Variants in KCNQ1OT1 observed in about 807,000 individuals in gnomAD.
The protein encoded by KCNQ1OT1 is KCNQ1 opposite strand/antisense transcript 1.
chr11:2,609,977 C>G (rs1589979960), exon 1 of KCNQ1OT1: 5 of 397,742 alleles, frequency 1.3e-5, no homozygotes, highest in Middle Eastern at 6.2e-4. Context: ...TAATTCCTGC[C>G]TTTGATTAGA....
Position 2,679,792 on chromosome 11 carries a change from A to C in KCNQ1OT1, n.20203T>G, listed in dbSNP as rs920739733. Reference sequence around the variant, plus strand: ...ACACTAGGGCCTGTTAGGCCAGTTGAGGGCTAGAGGAGCACAAGGGGCCAG... The same window carrying C: ...ACACTAGGGCCTGTTAGGCCAGTTGCGGGCTAGAGGAGCACAAGGGGCCAG... On this transcript the variant is annotated non_coding_transcript_exon_variant, in exon 1 of 1. Coordinates refer to ENST00000597346, the Ensembl canonical transcript of KCNQ1OT1. This position sits in a 1 kb window ranked among gnomAD's most constrained non-coding sequence, Gnocchi z 4.8. 3.0e-5 allele frequency: 12 copies of C among 398,496 alleles called. No homozygotes were observed. The highest frequency in any genetic ancestry group is 5.3e-5 in the Non-Finnish European group (12 of 226,070). The allele number at this position is 398,496 out of a possible 1,614,324, so 24.7% of individuals were successfully genotyped here. A position where few individuals can be genotyped will look rare whatever the true frequency, so the allele number is the denominator to read the frequency against.
In KCNQ1OT1 at chr11:2,611,566, T is replaced by C; in HGVS notation, n.88429A>G. Reference sequence around the variant, plus strand: ...TAGCTTTCTTATTACTGTTTGCATGTCATCTTTTTCCATCATTTTACTTTC... The same window carrying C: ...TAGCTTTCTTATTACTGTTTGCATGCCATCTTTTTCCATCATTTTACTTTC... On this transcript the variant is annotated non_coding_transcript_exon_variant, in exon 1 of 1. Coordinates refer to ENST00000597346, the Ensembl canonical transcript of KCNQ1OT1. The surrounding 1 kb of genome is among the most constrained non-coding windows in gnomAD (Gnocchi z 5.3). 1 of 398,602 alleles carries C rather than the reference T, an allele frequency of 2.5e-6. No individual in the cohort carries two copies. Among genetic ancestry groups the C allele is most frequent in the Non-Finnish European group, 4.4e-6 (1 of 226,068 alleles). 24.7% of individuals were successfully genotyped at this position (398,602 alleles called of 1,614,324 possible).
exon 1 of KCNQ1OT1, chr11:2,665,594 C>A: frequency 2.5e-6 from 1 of 396,798 alleles, no homozygotes; most frequent in East Asian, 3.6e-5. Flanking sequence ...GCTCAGTAAA[C>A]CCCCCAGGAC....
At chr11:2,686,113 G>C (rs932438124) in exon 1 of KCNQ1OT1, 4 of 398,720 alleles carry the variant, frequency 1.0e-5, no homozygotes, top group Non-Finnish European at 1.8e-5. Context: ...GCAAAGTGTA[G>C]GCCTTTGCCC....
Position 2,621,072 on chromosome 11 carries a change from G to A in KCNQ1OT1, n.78923C>T. 2.5e-6 allele frequency: 1 copy of A among 397,100 alleles called. No homozygotes were observed. Among genetic ancestry groups the A allele is most frequent in the Non-Finnish European group, 4.4e-6 (1 of 225,784 alleles). 24.6% of individuals were successfully genotyped at this position (397,100 alleles called of 1,614,324 possible). On this transcript the variant is annotated non_coding_transcript_exon_variant, in exon 1 of 1. Transcript: ENST00000597346. This position sits in a 1 kb window ranked among gnomAD's most constrained non-coding sequence, Gnocchi z 5.7. ...GGCTCACTGCAACCTCCACCTCCTG[G>A]GTTCAAGCAATTCTCCTGTCTCAGA...
chr11:2,666,741 C>T (rs906374537), exon 1 of KCNQ1OT1: 2 of 398,702 alleles, frequency 5.0e-6, no homozygotes, highest in Non-Finnish European at 8.8e-6. Context: ...CCCCAGGGTA[C>T]CAGGCACTGC....
chr11:2,632,770 T>C, exon 1 of KCNQ1OT1: 1 of 398,480 alleles, frequency 2.5e-6, no homozygotes, highest in Non-Finnish European at 4.4e-6. Context: ...TTATTATGAC[T>C]GAATAATATT....
exon 1 of KCNQ1OT1, chr11:2,662,383 C>T: frequency 7.7e-6 from 4 of 518,992 alleles, no homozygotes; most frequent in Non-Finnish European, 1.4e-5. Context: ...CCCCAGCCCC[C>T]TCCCCTGCCC....
exon 1 of KCNQ1OT1, chr11:2,614,271 C>T: frequency 2.5e-6 from 1 of 398,566 alleles, no homozygotes; most frequent in African/African-American, 2.1e-5. Context: ...GACATGTGTT[C>T]TCCATGTTGA....
At chr11:2,622,469 A>G in exon 1 of KCNQ1OT1, 1 of 398,418 alleles carries the variant, frequency 2.5e-6, no homozygotes, top group Non-Finnish European at 4.4e-6. Context: ...TATATACAGC[A>G]TAGGTTGATG....
At chr11:2,635,937 T>C (rs1849457136) in exon 1 of KCNQ1OT1, 1 of 152,194 alleles carries the variant, frequency 6.6e-6, no homozygotes. Context: ...TTTATTCTCT[T>C]TGAAGCAATT....
At chr11:2,681,756 G>A (rs2133881581) in exon 1 of KCNQ1OT1, 1 of 398,456 alleles carries the variant, frequency 2.5e-6, no homozygotes, top group African/African-American at 2.1e-5. Context: ...CCAGGGCACT[G>A]TGGGGGCCCT....
chr11:2,656,933 T>C (rs547131017), exon 1 of KCNQ1OT1: 5 of 398,636 alleles, frequency 1.3e-5, no homozygotes, highest in South Asian at 1.3e-4. Flanking sequence ...ACTTAATGTT[T>C]TTCCAGTGTG....
At chr11:2,675,287 CAG>C in exon 1 of KCNQ1OT1, 1 of 398,506 alleles carries the variant, frequency 2.5e-6, no homozygotes, top group Non-Finnish European at 4.4e-6. Flanking sequence ...CTCCCAAAAG[CAG>C]AGTTTTGGCA....
In KCNQ1OT1 at chr11:2,642,968, G is replaced by C; in HGVS notation, n.57027C>G. The C allele has an allele frequency of 2.5e-6, 1 of 397,716 alleles. No individual in the cohort carries two copies. The highest frequency in any genetic ancestry group is 4.4e-6 in the Non-Finnish European group (1 of 225,630). 24.6% of individuals were successfully genotyped at this position (397,716 alleles called of 1,614,324 possible). A position where few individuals can be genotyped will look rare whatever the true frequency, so the allele number is the denominator to read the frequency against. ...AATTTCCATTTATTTATACAGTTTT[G>C]AATGCTCCTCTTATTTATTTATAGT... On this transcript the variant is annotated non_coding_transcript_exon_variant, in exon 1 of 1. Transcript: ENST00000597346. The surrounding 1 kb of genome is among the most constrained non-coding windows in gnomAD (Gnocchi z 4.3).
Position 2,658,889 on chromosome 11 carries a change from A to G in KCNQ1OT1, n.41106T>C, listed in dbSNP as rs1277725930. 2.5e-6 allele frequency: 1 copy of G among 398,310 alleles called. No homozygotes were observed. Among genetic ancestry groups the G allele is most frequent in the Admixed American group, 4.4e-5 (1 of 22,688 alleles). 24.7% of individuals were successfully genotyped at this position (398,310 alleles called of 1,614,324 possible). A position where few individuals can be genotyped will look rare whatever the true frequency, so the allele number is the denominator to read the frequency against. On this transcript the variant is annotated non_coding_transcript_exon_variant, in exon 1 of 1. Coordinates refer to ENST00000597346, the Ensembl canonical transcript of KCNQ1OT1. The surrounding 1 kb of genome is among the most constrained non-coding windows in gnomAD (Gnocchi z 4.9). ...TTCATTTACTTATTTGTGTAACCCT[A>G]TTGTACACGTAGTACCCTATGTGAA...
Position 2,652,674 on chromosome 11 carries a change from T to C in KCNQ1OT1, n.47321A>G. 2.5e-6 allele frequency: 1 copy of C among 398,776 alleles called. No homozygotes were observed. The highest frequency in any genetic ancestry group is 4.4e-5 in the Admixed American group (1 of 22,746). 24.7% of individuals were successfully genotyped at this position (398,776 alleles called of 1,614,324 possible). A position where few individuals can be genotyped will look rare whatever the true frequency, so the allele number is the denominator to read the frequency against. On this transcript the variant is annotated non_coding_transcript_exon_variant, in exon 1 of 1. Transcript: ENST00000597346. This position sits in a 1 kb window ranked among gnomAD's most constrained non-coding sequence, Gnocchi z 5.9. ...CATGGAGACCCGGGTGGGTCGATTT[T>C]AGTTGTGTGGGTGGCTGTGTTGCTC...
chr11:2,670,744 G>A lies in KCNQ1OT1; in HGVS notation n.29251C>T, dbSNP rs1178162096. On this transcript the variant is annotated non_coding_transcript_exon_variant, in exon 1 of 1. Coordinates refer to ENST00000597346, the Ensembl canonical transcript of KCNQ1OT1. This position sits in a 1 kb window ranked among gnomAD's most constrained non-coding sequence, Gnocchi z 4.9. ...AGGGAACAGTCTGCAGATATTATCT[G>A]GGCACTGGCCAGTGGCTCTTGTGGC... The A allele has an allele frequency of 1.0e-5, 4 of 398,410 alleles. No individual in the cohort carries two copies. The highest frequency in any genetic ancestry group is 1.8e-5 in the Non-Finnish European group (4 of 226,066). 24.7% of individuals were successfully genotyped at this position (398,410 alleles called of 1,614,324 possible). A position where few individuals can be genotyped will look rare whatever the true frequency, so the allele number is the denominator to read the frequency against.
exon 1 of KCNQ1OT1, chr11:2,675,785 C>T (rs1850282833): frequency 5.0e-6 from 2 of 398,610 alleles, no homozygotes; most frequent in Admixed American, 8.8e-5. Context: ...GGAGCTGCTG[C>T]CCGCAGGGCA....
Sources: allele counts gnomAD v4.1 joint callset, GRCh38; gene constraint gnomAD v4.1.1; non-coding constraint Gnocchi (gnomAD v3.1); transcripts MANE v1.5; gene names NCBI Gene and HGNC (gene_info 2026-07-23, HGNC 2026-07-21).